TWF2: variants seen among roughly 807,000 people sequenced by gnomAD.
TWF2 encodes twinfilin-2.
TWF2 carries 15 observed loss-of-function variants against 45.1 expected under a neutral mutation model. The ratio of observed to expected loss-of-function variants is 0.33; its 90% CI spans 0.22 to 0.51. The LOEUF is 0.51. Ranked by LOEUF, TWF2 falls within the 20% of genes least tolerant of loss-of-function variation. TWF2 has a pLI of 0.97. For synonymous variants in TWF2, 177 were observed against 195.8 expected (o/e 0.90, Z 0.80); for missense variants, 423 against 469.1 (o/e 0.90, Z 0.91).
chr3:52,232,226 G>A, intron 2 of TWF2, 104 bp from the exon 3 acceptor site: 1 of 1,365,518 alleles, frequency 7.3e-7, no homozygotes. Flanking sequence ...AGAGCCGCCG[G>A]CTGCCCCTCA....
At chr3:52,238,467 A>G (rs1172811307) in intron 1 of TWF2, among the ~76,000 whole-genome samples, 1 of 152,200 alleles carries the variant, frequency 6.6e-6, no homozygotes. Context: ...CTTGGCAAAA[A>G]TGCACACTGA....
Position 52,239,113 on chromosome 3 carries a change from A to C in TWF2, c.-97T>G. 6.9e-7 allele frequency: 1 copy of C among 1,449,676 alleles called. No homozygotes were observed. Among genetic ancestry groups the C allele is most frequent in the Non-Finnish European group, 9.1e-7 (1 of 1,094,044 alleles). 89.8% of individuals were successfully genotyped at this position (1,449,676 alleles called of 1,614,324 possible). A position where few individuals can be genotyped will look rare whatever the true frequency, so the allele number is the denominator to read the frequency against. On this transcript the variant is annotated 5_prime_UTR_variant, in exon 1 of 9. Transcript: ENST00000305533. ...CCAAGAGAGGTGGAGGATGTGGCGG[A>C]GGCTGTCGACCCTCGCGCAGCTTCC...
intron 1 of TWF2, among the ~76,000 whole-genome samples, chr3:52,236,803 G>A (rs1699729897): frequency 6.6e-6 from 1 of 152,068 alleles, no homozygotes; most frequent in Admixed American, 6.5e-5. Flanking sequence ...GGAACTGTAG[G>A]CAGGTGGACA....
intron 6 of TWF2, 45 bp from the exon 7 acceptor site, chr3:52,230,115 G>C: frequency 4.6e-6 from 7 of 1,506,322 alleles, no homozygotes; most frequent in Non-Finnish European, 6.2e-6. Flanking sequence ...GGTCGGGGTG[G>C]GCCCAGGCCC....
rs1397162717 is a variant in TWF2, at chr3:52,228,814, C to T, written c.*220G>A. On this transcript the variant is annotated 3_prime_UTR_variant, in exon 9 of 9. Transcript: ENST00000305533. ...CCCCCTTAAGCCAGCCAGGCAGGGT[C>T]CCCGGACACCCTGGGCACACAGACG... The T allele has an allele frequency of 2.9e-5, 20 of 691,310 alleles. No homozygotes were observed. Among genetic ancestry groups the T allele is most frequent in the Non-Finnish European group, 4.4e-5 (19 of 434,096 alleles). 42.8% of individuals were successfully genotyped at this position (691,310 alleles called of 1,614,324 possible).
chr3:52,235,554 A>G (rs531636520), intron 1 of TWF2, among the ~76,000 whole-genome samples: 186 of 152,282 alleles, frequency 1.2e-3, no homozygotes, highest in African/African-American at 4.3e-3. Flanking sequence ...ACACACACAC[A>G]CACACACACA....
chr3:52,234,940 G>T, intron 2 of TWF2, 89 bp downstream of exon 2: 1 of 1,473,060 alleles, frequency 6.8e-7, no homozygotes, highest in African/African-American at 1.4e-5. Context: ...GGTCCCGGCA[G>T]GCCAGGGGCC....
At chr3:52,232,223 C>T in intron 2 of TWF2, 101 bp from the exon 3 acceptor site, 1 of 1,374,184 alleles carries the variant, frequency 7.3e-7, no homozygotes. Flanking sequence ...CTCAGAGCCG[C>T]CGGCTGCCCC....
Position 52,239,075 on chromosome 3 carries a change from A to C in TWF2, c.-59T>G. 6.3e-7 allele frequency: 1 copy of C among 1,576,492 alleles called. No homozygotes were observed. The highest frequency in any genetic ancestry group is 1.7e-5 in the Admixed American group (1 of 57,956). ...GCCCTCCGCTTGACCCTGGCCCGGC[A>C]ACGCTCGCTGGACCAAGAGAGGTGG... On this transcript the variant is annotated 5_prime_UTR_variant, in exon 1 of 9. Transcript: ENST00000305533.
intron 1 of TWF2, among the ~76,000 whole-genome samples, chr3:52,235,540 T>TCACACACA (rs149768402): frequency 6.8e-6 from 1 of 147,844 alleles, no homozygotes; most frequent in Non-Finnish European, 1.5e-5. Context: ...CTATGCCCAT[T>TCACACACA]CACACACACA....
At position 52,228,947 on chromosome 3, in the gene TWF2, T is replaced by C. The variant is rs1337122589; in HGVS notation, c.*87A>G. The C allele has an allele frequency of 3.9e-6, 6 of 1,537,774 alleles. No individual in the cohort carries two copies. The highest frequency in any genetic ancestry group is 1.4e-5 in the African/African-American group (1 of 72,978). ...CCCTCCTGACCTCCCAGAAACACTT[T>C]CCTGGAGCCCAGGAAGGAGGATGGT... On this transcript the variant is annotated 3_prime_UTR_variant, in exon 9 of 9. Transcript: ENST00000305533.
intron 2 of TWF2, among the ~76,000 whole-genome samples, chr3:52,234,572 G>A (rs1263881429): frequency 2.0e-5 from 3 of 152,144 alleles, no homozygotes; most frequent in Non-Finnish European, 4.4e-5. Context: ...CCCATCATGG[G>A]GGCACTTCCA....
In TWF2 at chr3:52,228,813, T is replaced by TC. The variant is rs1389966211; in HGVS notation, c.*220dup. 1 of 686,036 alleles carries TC rather than the reference T, an allele frequency of 1.5e-6. No homozygotes were observed. The highest frequency in any genetic ancestry group is 2.3e-6 in the Non-Finnish European group (1 of 430,310). The allele number at this position is 686,036 out of a possible 1,614,324, so 42.5% of individuals were successfully genotyped here. ...GCCCCCTTAAGCCAGCCAGGCAGGG[T>TC]CCCCGGACACCCTGGGCACACAGAC... On this transcript the variant is annotated 3_prime_UTR_variant, in exon 9 of 9. Coordinates refer to ENST00000305533, the MANE Select transcript of TWF2 (RefSeq NM_007284.4).
At chr3:52,235,492 A>C (rs138424485) in intron 1 of TWF2, among the ~76,000 whole-genome samples, 126 of 152,310 alleles carry the variant, frequency 8.3e-4, no homozygotes, top group African/African-American at 2.9e-3. Context: ...TACACAGAAA[A>C]AAGAACACAG....
chr3:52,229,810 G>T (rs757685379), intron 7 of TWF2, 28 bp from the exon 8 acceptor site: 2 of 1,604,200 alleles, frequency 1.2e-6, no homozygotes, highest in South Asian at 2.2e-5. Context: ...GTGAGCCTGG[G>T]AGGCCTGAGA....
intron 2 of TWF2, among the ~76,000 whole-genome samples, chr3:52,233,729 C>CCAGTCTGGCCAA (rs1382266839): frequency 6.6e-6 from 1 of 151,954 alleles, no homozygotes; most frequent in East Asian, 1.9e-4. Flanking sequence ...GAGATTGAGA[C>CCAGTCTGGCCAA]CATGGTGAAA....
At chr3:52,231,599 G>T in intron 3 of TWF2, 60 bp from the exon 4 acceptor site, 1 of 1,538,626 alleles carries the variant, frequency 6.5e-7, no homozygotes, top group South Asian at 1.2e-5. Context: ...TCCCGGAACA[G>T]ACAGGTGCCT....
intron 1 of TWF2, among the ~76,000 whole-genome samples, chr3:52,237,063 A>G (rs1699732411): frequency 6.6e-6 from 1 of 152,210 alleles, no homozygotes; most frequent in East Asian, 1.9e-4. Context: ...TGATAATAAC[A>G]GCAAGCTGAC....
chr3:52,237,708 C>T (rs1010265910), intron 1 of TWF2, among the ~76,000 whole-genome samples: 1 of 152,192 alleles, frequency 6.6e-6, no homozygotes, highest in Admixed American at 6.5e-5. Flanking sequence ...GAAGCCTGCC[C>T]GCCAGCTCCT....
Sources: allele counts gnomAD v4.1 joint callset (sites outside exome capture counted in the v4.1 genomes callset), GRCh38; gene constraint gnomAD v4.1.1; transcripts MANE v1.5; gene names NCBI Gene and HGNC (gene_info 2026-07-23, HGNC 2026-07-21).